The following PTPRR variants were observed in gnomAD, a reference collection of about 807,000 sequenced individuals.
PTPRR encodes the protein receptor-type tyrosine-protein phosphatase R.
A neutral mutation model predicts 77.2 loss-of-function variants in PTPRR; 38 were observed. That is an observed-to-expected ratio of 0.49 (90% CI 0.38 to 0.65). The LOEUF (loss-of-function observed/expected upper bound fraction) is 0.65. Among genes scored for constraint, PTPRR ranks in the 30% least tolerant of loss-of-function variants. The pLI is 0.00. For missense variants in PTPRR, 744 were observed against 799.2 expected (o/e 0.93, Z 0.83); for synonymous variants, 299 against 283.1 (o/e 1.06, Z -0.57).
chr12:70,756,229 A>T (rs930009247), intron 4 of PTPRR, among the ~76,000 whole-genome samples: 2 of 152,104 alleles, frequency 1.3e-5, no homozygotes, highest in African/African-American at 2.4e-5. Context: ...TAACTGAAGC[A>T]GTAATGATGA....
At chr12:70,706,188 C>T (rs1888613114) in intron 6 of PTPRR, among the ~76,000 whole-genome samples, 1 of 152,090 alleles carries the variant, frequency 6.6e-6, no homozygotes, top group African/African-American at 2.4e-5. Context: ...AGGTTAATGG[C>T]ATTTAATAAT....
At chr12:70,907,556 T>C (rs764100295) in intron 1 of PTPRR, among the ~76,000 whole-genome samples, 17 of 152,222 alleles carry the variant, frequency 1.1e-4, no homozygotes, top group Non-Finnish European at 2.9e-5. Context: ...TGAAAGGGGT[T>C]CATGTTTCCT....
chr12:70,770,934 C>T (rs1218681193), intron 2 of PTPRR, among the ~76,000 whole-genome samples: 2 of 139,478 alleles, frequency 1.4e-5, no homozygotes, highest in African/African-American at 2.7e-5. Flanking sequence ...TATTCTCACT[C>T]ATAGGTGGGA....
At chr12:70,730,123 T>C (rs920051058) in intron 6 of PTPRR, among the ~76,000 whole-genome samples, 1 of 152,204 alleles carries the variant, frequency 6.6e-6, no homozygotes, top group Non-Finnish European at 1.5e-5. Flanking sequence ...TAAGTTCTAA[T>C]GAGAATTTCT....
At chr12:70,867,635 C>T (rs1392266273) in intron 2 of PTPRR, among the ~76,000 whole-genome samples, 5 of 151,738 alleles carry the variant, frequency 3.3e-5, no homozygotes, top group East Asian at 1.9e-4. Context: ...AGATTCAATG[C>T]CATCCCCATC....
At chr12:70,913,103 G>T (rs1456108539) in intron 1 of PTPRR, among the ~76,000 whole-genome samples, 1 of 152,128 alleles carries the variant, frequency 6.6e-6, no homozygotes, top group Non-Finnish European at 1.5e-5. Context: ...TAATGGCAAT[G>T]AATGGGCTTT....
At chr12:70,901,026 T>G (rs1027382525) in intron 1 of PTPRR, among the ~76,000 whole-genome samples, 3 of 151,570 alleles carry the variant, frequency 2.0e-5, no homozygotes, top group Non-Finnish European at 3.0e-5. Context: ...GAATATATAC[T>G]AATTGAGCAT....
chr12:70,803,378 G>A (rs1378314527), intron 2 of PTPRR, among the ~76,000 whole-genome samples: 1 of 152,062 alleles, frequency 6.6e-6, no homozygotes, highest in East Asian at 1.9e-4. Context: ...GCACTCTTTG[G>A]GTTTGTCAAT....
rs1888496160 is a variant in PTPRR at position 70,703,196 on chromosome 12, C to G, written c.1008-1873G>C. 2.0e-5 allele frequency among the ~76,000 whole-genome samples: 3 copies of G among 152,072 alleles called. No homozygotes were observed. In the South Asian group the frequency reaches 6.2e-4, roughly 31 times the overall value. On this transcript the variant is annotated intron_variant, in intron 6 of 13. Coordinates refer to ENST00000283228, the MANE Select transcript of PTPRR (RefSeq NM_002849.4). ...AGTCATATCTTCACTATAAATGTTA[C>G]CAATATTACTTTCTTTCCTGTTAAT...
At chr12:70,682,993 C>T (rs1436868328) in intron 10 of PTPRR, among the ~76,000 whole-genome samples, 1 of 151,514 alleles carries the variant, frequency 6.6e-6, no homozygotes, top group Admixed American at 6.6e-5. Flanking sequence ...TATCTACTGG[C>T]CAAAAATATG....
At chr12:70,851,535 C>T (rs1468580436) in intron 2 of PTPRR, among the ~76,000 whole-genome samples, 1 of 152,044 alleles carries the variant, frequency 6.6e-6, no homozygotes, top group Non-Finnish European at 1.5e-5. Flanking sequence ...GCCTATCTCT[C>T]CTTGTTTCTG....
chr12:70,750,700 T>C (rs1464942549), intron 5 of PTPRR, among the ~76,000 whole-genome samples: 1 of 152,154 alleles, frequency 6.6e-6, no homozygotes, highest in African/African-American at 2.4e-5. Context: ...GTCTGTGTGC[T>C]GCGGGTTCCT....
chr12:70,776,023 C>T (rs2136991376), intron 2 of PTPRR, among the ~76,000 whole-genome samples: 1 of 152,096 alleles, frequency 6.6e-6, no homozygotes, highest in South Asian at 2.1e-4. Flanking sequence ...TACACATTTC[C>T]ACCTTTCTCA....
chr12:70,743,440 G>C (rs1473543118), intron 6 of PTPRR, among the ~76,000 whole-genome samples: 2 of 152,182 alleles, frequency 1.3e-5, no homozygotes. Context: ...CAATACCAGA[G>C]GAGGCACTGG....
intron 1 of PTPRR, among the ~76,000 whole-genome samples, chr12:70,916,041 GA>G (rs1893770081): frequency 1.3e-5 from 2 of 152,104 alleles, no homozygotes; most frequent in Admixed American, 1.3e-4. Context: ...ACAGAGAGGG[GA>G]AACTACAATA....
intron 1 of PTPRR, among the ~76,000 whole-genome samples, chr12:70,913,864 A>G (rs1220233220): frequency 1.3e-5 from 2 of 152,232 alleles, no homozygotes; most frequent in Non-Finnish European, 2.9e-5. Flanking sequence ...TAATATATGT[A>G]TTCATTCATT....
At chr12:70,650,623 A>G (rs1466680148) in intron 13 of PTPRR, among the ~76,000 whole-genome samples, 1 of 151,744 alleles carries the variant, frequency 6.6e-6, no homozygotes. Flanking sequence ...TAAGACACCC[A>G]TTTTTCTACA....
chr12:70,869,682 G>T (rs1037687281), intron 2 of PTPRR, among the ~76,000 whole-genome samples: 7 of 152,120 alleles, frequency 4.6e-5, no homozygotes, highest in Non-Finnish European at 1.5e-5. Context: ...GAGAGAGAAG[G>T]AGATATGATG....
intron 8 of PTPRR, among the ~76,000 whole-genome samples, chr12:70,688,428 C>T (rs1887946562): frequency 1.3e-5 from 2 of 151,948 alleles, no homozygotes; most frequent in Admixed American, 6.6e-5. Context: ...TGCAAATGTC[C>T]AACAGATCTA....
Sources: gnomAD v4.1 joint callset for allele counts (sites outside exome capture counted in the v4.1 genomes callset) on GRCh38, gnomAD v4.1.1 for gene constraint, MANE v1.5 for transcripts, NCBI Gene and HGNC (gene_info 2026-07-23, HGNC 2026-07-21) for gene names.